TACC2: variants seen among roughly 807,000 people sequenced by gnomAD.
The protein encoded by TACC2 is transforming acidic coiled-coil-containing protein 2.
In TACC2, 137 loss-of-function variants were observed where a neutral mutation model predicts 227.3. The observed-to-expected ratio is 0.60, with a 90% CI of 0.52 to 0.69. The LOEUF (loss-of-function observed/expected upper bound fraction) is 0.69. Among genes scored for constraint, TACC2 ranks in the 30% least tolerant of loss-of-function variants. TACC2 has a pLI of 0.00. For synonymous variants in TACC2, 1,523 were observed against 1,487.5 expected, an observed-to-expected ratio of 1.02 and a Z score of -0.55; for missense variants, 3,470 against 3,694.4, an observed-to-expected ratio of 0.94 and a Z score of 1.57.
In TACC2 at chr10:122,210,378, G is replaced by A. The variant is rs367592721; in HGVS notation, c.5972-19G>A. The stretch of plus-strand genomic sequence containing the variant: ...GCGTCCTGTGTCTGTAATTGATGGC[G>A]TTGTCTGTGTTTCCCCAGGATGTGG... On this transcript the variant is annotated intron_variant, in intron 8 of 22. Transcript: ENST00000369005. This position sits in a 1 kb window ranked among gnomAD's most constrained non-coding sequence, Gnocchi z 4.6. The A allele has an allele frequency of 3.0e-4, 482 of 1,589,480 alleles. No homozygotes were observed. Among genetic ancestry groups the A allele is most frequent in the Non-Finnish European group, 3.8e-4 (435 of 1,157,774 alleles).
At chr10:122,228,148 A>C (rs2095663686) in intron 14 of TACC2, 140 bp downstream of exon 14, 1 of 833,474 alleles carries the variant, frequency 1.2e-6, no homozygotes, top group Non-Finnish European at 1.8e-6. Flanking sequence ...TGACCACAGA[A>C]GCCAACCTGG....
At chr10:122,249,711 T>A (rs1426193902) in intron 22 of TACC2, 47 bp downstream of exon 22, 1 of 1,576,834 alleles carries the variant, frequency 6.3e-7, no homozygotes, top group Non-Finnish European at 8.6e-7. Flanking sequence ...GCTGCTGCTC[T>A]CTGTGCTGCT....
chr10:122,209,030 G>A lies in TACC2; in HGVS notation c.5972-1367G>A, dbSNP rs2095221308. On this transcript the variant is annotated intron_variant, in intron 8 of 22. Transcript: ENST00000369005. The surrounding 1 kb of genome is among the most constrained non-coding windows in gnomAD (Gnocchi z 4.5). ...GCCGGATCCCCATGGGCAGTAGGGT[G>A]GTGGCACCTTTGAGCATCATTTGGC... Among the ~76,000 whole-genome samples, 2 of 152,240 alleles carry A rather than the reference G, an allele frequency of 1.3e-5. No homozygotes were observed. Among genetic ancestry groups the A allele is most frequent in the Admixed American group, 6.5e-5 (1 of 15,284 alleles).
Position 122,120,293 on chromosome 10 carries a change from G to A in TACC2, c.5574-12316G>A, listed in dbSNP as rs977142643. ...GGGCACTGCTCACAGCCTCCTCCAAGCTGACCTTTCTCAGCCAGGAGACCC... is the reference window on the plus strand; with the variant it reads ...GGGCACTGCTCACAGCCTCCTCCAAACTGACCTTTCTCAGCCAGGAGACCC... On this transcript the variant is annotated intron_variant, in intron 5 of 22. Coordinates refer to ENST00000369005, the MANE Select transcript of TACC2 (RefSeq NM_206862.4). Among the ~76,000 whole-genome samples the A allele has an allele frequency of 5.3e-5, 8 of 152,292 alleles. No individual in the cohort carries two copies. The East Asian group carries it at 1.5e-3, about 29-fold the overall frequency.
chr10:121,998,405 A>AGG (rs1487219461), intron 1 of TACC2, among the ~76,000 whole-genome samples: 2 of 151,240 alleles, frequency 1.3e-5, no homozygotes, highest in East Asian at 3.9e-4. Flanking sequence ...CCCTTGTCCT[A>AGG]GGGTTCTTAA....
intron 2 of TACC2, among the ~76,000 whole-genome samples, chr10:122,027,715 A>C (rs992685308): frequency 3.9e-4 from 59 of 151,728 alleles, no homozygotes; most frequent in African/African-American, 1.4e-3. Flanking sequence ...ATATTAGAAT[A>C]AATCTATCCA....
chr10:122,024,833 T>C (rs1393282949), intron 2 of TACC2, among the ~76,000 whole-genome samples: 1 of 152,240 alleles, frequency 6.6e-6, no homozygotes, highest in Non-Finnish European at 1.5e-5. Context: ...TTTAGGTTGT[T>C]TCCAGTTTTT....
chr10:122,117,135 G>A (rs2138250712), intron 5 of TACC2, among the ~76,000 whole-genome samples: 1 of 151,936 alleles, frequency 6.6e-6, no homozygotes, highest in Non-Finnish European at 1.5e-5. Flanking sequence ...TCAAATCTCA[G>A]GGCCGCAGTT....
chr10:122,174,482 C>T (rs114654363), intron 7 of TACC2, among the ~76,000 whole-genome samples: 2,332 of 152,258 alleles, frequency 0.015, 69 homozygotes, highest in African/African-American at 0.053. Context: ...ACCTCCCACC[C>T]GTGTCTCCCT....
intron 3 of TACC2, among the ~76,000 whole-genome samples, chr10:122,077,463 G>A (rs531468331): frequency 6.6e-6 from 1 of 151,900 alleles, no homozygotes; most frequent in Non-Finnish European, 1.5e-5. Context: ...GCTACCCTGA[G>A]AAGCGAAGAG....
intron 1 of TACC2, among the ~76,000 whole-genome samples, chr10:122,006,094 T>C: frequency 6.6e-6 from 1 of 152,190 alleles, no homozygotes. Flanking sequence ...ATGAGTTGTT[T>C]TTTGTTTTTC....
At chr10:122,135,112 C>T (rs368651852) in intron 6 of TACC2, among the ~76,000 whole-genome samples, 88 of 152,146 alleles carry the variant, frequency 5.8e-4, no homozygotes, top group African/African-American at 2.1e-3. Context: ...GGCTCAGAGA[C>T]GTTAACATGC....
chr10:122,082,872 T>G lies in TACC2; in HGVS notation c.372T>G (p.Ser124Arg). The change falls in exon 4 of 23, where the codon AGT becomes AGG. Residue 124 changes from serine (S) to arginine (R), a missense_variant. By Grantham distance (110) the Ser-to-Arg change is moderately radical (BLOSUM62 -1). Transcript: ENST00000369005. ...AECPPEGCLASPAAAPEDGPQ... is the reference protein window; with the variant it reads ...AECPPEGCLARPAAAPEDGPQ... ...GTCCCCCGGAAGGTTGCTTGGCAAGTCCAGCAGCGGCACCTGAAGATGGTC... is the reference window on the plus strand; with the variant it reads ...GTCCCCCGGAAGGTTGCTTGGCAAGGCCAGCAGCGGCACCTGAAGATGGTC... 6.2e-7 allele frequency: 1 copy of G among 1,613,384 alleles called. No individual in the cohort carries two copies. Among genetic ancestry groups the G allele is most frequent in the Non-Finnish European group, 8.5e-7 (1 of 1,179,998 alleles).
intron 5 of TACC2, among the ~76,000 whole-genome samples, chr10:122,097,830 G>A (rs745776520): frequency 2.0e-5 from 3 of 152,092 alleles, no homozygotes; most frequent in South Asian, 2.1e-4. Flanking sequence ...TGGAGACTTC[G>A]TGGACAAGGT....
In TACC2 at chr10:122,210,158, C is replaced by A. The variant is rs373111636; in HGVS notation, c.5972-239C>A. On this transcript the variant is annotated intron_variant, in intron 8 of 22. Transcript: ENST00000369005. This position sits in a 1 kb window ranked among gnomAD's most constrained non-coding sequence, Gnocchi z 4.6. ...TGAATACTCTGAGCTGTTCTTTAATCGGTCCTCATGATCCTCATTGTACAG... is the reference window on the plus strand; with the variant it reads ...TGAATACTCTGAGCTGTTCTTTAATAGGTCCTCATGATCCTCATTGTACAG... The A allele has an allele frequency of 5.2e-6, 3 of 577,104 alleles. No homozygotes were observed. The Admixed American group carries it at 9.4e-5, about 18-fold the overall frequency. 35.7% of individuals were successfully genotyped at this position (577,104 alleles called of 1,614,324 possible). A position where few individuals can be genotyped will look rare whatever the true frequency, so the allele number is the denominator to read the frequency against.
intron 1 of TACC2, among the ~76,000 whole-genome samples, chr10:121,997,626 C>T (rs1047039622): frequency 6.6e-6 from 1 of 151,868 alleles, no homozygotes. Context: ...AAAGGCAGGC[C>T]TTCCAACGTG....
chr10:122,081,148 A>G (rs549050528), intron 3 of TACC2, among the ~76,000 whole-genome samples: 69 of 152,068 alleles, frequency 4.5e-4, no homozygotes, highest in South Asian at 1.0e-3. Context: ...GCAAGCATGT[A>G]GCAGTATTTT....
chr10:122,196,949 A>AC (rs1461843634), intron 8 of TACC2, among the ~76,000 whole-genome samples: 8 of 150,378 alleles, frequency 5.3e-5, no homozygotes, highest in Admixed American at 2.0e-4. Flanking sequence ...AAAAAAAAAA[A>AC]AACAAAAAAA....
chr10:122,221,289 T>C (rs1467993827), intron 11 of TACC2, among the ~76,000 whole-genome samples: 3 of 152,228 alleles, frequency 2.0e-5, no homozygotes, highest in Non-Finnish European at 4.4e-5. Flanking sequence ...CGTGATGCAG[T>C]GGGAGAAAAC....
Sources: allele counts gnomAD v4.1 joint callset (sites outside exome capture counted in the v4.1 genomes callset), GRCh38; gene constraint gnomAD v4.1.1; non-coding constraint Gnocchi (gnomAD v3.1); transcripts MANE v1.5; gene names NCBI Gene and HGNC (gene_info 2026-07-23, HGNC 2026-07-21).